The following INTU variants were observed in gnomAD, a reference collection of about 807,000 sequenced individuals.
INTU encodes protein inturned.
Under a neutral mutation model 100.5 loss-of-function variants are expected in INTU, and 68 were observed. That is an observed-to-expected ratio of 0.68 (90% CI 0.56 to 0.83). The LOEUF is 0.83. Among genes scored for constraint, INTU ranks in the 40% least tolerant of loss-of-function variants. The probability of loss-of-function intolerance (pLI) is 0.00; values close to 1 mark genes in which losing one functional copy is unlikely to be tolerated. For missense variants in INTU, 1,071 were observed against 1,114.7 expected, an observed-to-expected ratio of 0.96 and a Z score of 0.56; for synonymous variants, 357 against 395.7, an observed-to-expected ratio of 0.90 and a Z score of 1.16.
chr4:127,690,818 G>A (rs988428507), intron 8 of INTU, among the ~76,000 whole-genome samples: 1 of 151,942 alleles, frequency 6.6e-6, no homozygotes, highest in Non-Finnish European at 1.5e-5. Context: ...GGGTACAGTT[G>A]TTATAATTGA....
chr4:127,663,627 AGCCC>A (rs1241476766), intron 4 of INTU, 43 bp downstream of exon 4: 3 of 1,527,186 alleles, frequency 2.0e-6, no homozygotes, highest in Admixed American at 1.7e-5. Flanking sequence ...TTTAGTCAAA[AGCCC>A]AAAGGAAAAA....
chr4:127,639,271 C>G (rs914544563), intron 1 of INTU, among the ~76,000 whole-genome samples: 15 of 152,072 alleles, frequency 9.9e-5, no homozygotes, highest in Non-Finnish European at 2.1e-4. Flanking sequence ...TTAGTCCTTT[C>G]CTGTTTTTCA....
intron 9 of INTU, among the ~76,000 whole-genome samples, chr4:127,701,637 G>A (rs1730654195): frequency 6.6e-6 from 1 of 152,248 alleles, no homozygotes; most frequent in South Asian, 2.1e-4. Flanking sequence ...AATTCAGCAG[G>A]AGGAAGGGAA....
Position 127,655,111 on chromosome 4 carries a change from G to C in INTU, c.683-1525G>C, listed in dbSNP as rs373744174. ...GCACTTCTCTATACTGGTTATTCTA[G>C]TTATACATTCATCTAAATTTTTTTC... On this transcript the variant is annotated intron_variant, in intron 2 of 15. Coordinates refer to ENST00000335251, the MANE Select transcript of INTU (RefSeq NM_015693.4). Among the ~76,000 whole-genome samples, 44 of 152,176 alleles carry C rather than the reference G, an allele frequency of 2.9e-4. No individual in the cohort carries two copies. The East Asian group carries it at 3.1e-3, about 11-fold the overall frequency.
In INTU at chr4:127,722,794, C is replaced by G. The variant is rs1369831582; in HGVS notation, c.*6358C>G. ...CCCTCCCTTCTCCCCCCTCTCCTTC[C>G]CCACTTCCAGAACTCAGTCGTCTTA... On this transcript the variant is annotated 3_prime_UTR_variant, in exon 16 of 16. Coordinates refer to ENST00000335251, the MANE Select transcript of INTU (RefSeq NM_015693.4). 6.6e-6 allele frequency: 1 copy of G among 152,488 alleles called. No homozygotes were observed. The highest frequency in any genetic ancestry group is 1.9e-4 in the East Asian group (1 of 5,182). The allele number at this position is 152,488 out of a possible 1,614,324, so 9.4% of individuals were successfully genotyped here.
chr4:127,636,921 G>A (rs565106183), intron 1 of INTU, among the ~76,000 whole-genome samples: 1 of 152,224 alleles, frequency 6.6e-6, no homozygotes, highest in East Asian at 1.9e-4. Context: ...AAAGGCACAT[G>A]GTATATAACT....
intron 6 of INTU, among the ~76,000 whole-genome samples, chr4:127,677,603 A>G (rs569482658): frequency 1.3e-5 from 2 of 152,168 alleles, no homozygotes; most frequent in East Asian, 3.9e-4. Flanking sequence ...CCATCTGTAC[A>G]TCACCATCAT....
At chr4:127,670,581 A>G (rs968239627) in intron 5 of INTU, among the ~76,000 whole-genome samples, 11 of 151,878 alleles carry the variant, frequency 7.2e-5, no homozygotes, top group African/African-American at 1.2e-4. Flanking sequence ...AAGTGATACA[A>G]TTCACCCATT....
At chr4:127,688,297 G>T (rs1729926611) in intron 8 of INTU, among the ~76,000 whole-genome samples, 1 of 151,854 alleles carries the variant, frequency 6.6e-6, no homozygotes, top group Non-Finnish European at 1.5e-5. Context: ...TTTTTTACAT[G>T]AACATATGTG....
At chr4:127,649,948 T>A (rs1469352994) in intron 2 of INTU, among the ~76,000 whole-genome samples, 2 of 152,218 alleles carry the variant, frequency 1.3e-5, no homozygotes, top group Admixed American at 1.3e-4. Flanking sequence ...ATAGTATCTT[T>A]AATTATGTTC....
At chr4:127,677,115 G>A (rs1368422016) in intron 6 of INTU, among the ~76,000 whole-genome samples, 1 of 152,204 alleles carries the variant, frequency 6.6e-6, no homozygotes, top group Non-Finnish European at 1.5e-5. Context: ...ACTGGGTGGA[G>A]CCCACCACAG....
intron 13 of INTU, among the ~76,000 whole-genome samples, chr4:127,710,532 T>C (rs953362665): frequency 1.2e-4 from 19 of 152,186 alleles, no homozygotes; most frequent in African/African-American, 2.4e-4. Context: ...TAGACTGATA[T>C]CTTGTTTATG....
At chr4:127,673,508 A>T (rs1321640759) in intron 5 of INTU, among the ~76,000 whole-genome samples, 6 of 151,894 alleles carry the variant, frequency 4.0e-5, no homozygotes, top group South Asian at 2.1e-4. Flanking sequence ...TTTGGAAAAA[A>T]AAATTATATT....
At chr4:127,647,010 A>G (rs1255059809) in intron 2 of INTU, among the ~76,000 whole-genome samples, 1 of 152,164 alleles carries the variant, frequency 6.6e-6, no homozygotes, top group East Asian at 1.9e-4. Context: ...TCTGTCCCAT[A>G]CATATGTGCC....
intron 2 of INTU, among the ~76,000 whole-genome samples, chr4:127,649,364 A>G (rs944792257): frequency 9.2e-5 from 14 of 152,204 alleles, no homozygotes; most frequent in African/African-American, 3.4e-4. Flanking sequence ...CTTTGAAAAG[A>G]CAGTCTAGAA....
intron 4 of INTU, among the ~76,000 whole-genome samples, chr4:127,664,775 C>T (rs141795667): frequency 9.9e-5 from 15 of 151,842 alleles, no homozygotes; most frequent in East Asian, 1.9e-4. Context: ...ATCTTTTACA[C>T]GCAGCCTGTT....
rs1302092140 is a variant in INTU at position 127,722,187 on chromosome 4, T to C, written c.*5751T>C. 1.3e-5 allele frequency: 2 copies of C among 152,536 alleles called. No individual in the cohort carries two copies. Among genetic ancestry groups the C allele is most frequent in the East Asian group, 3.8e-4 (2 of 5,200 alleles). The allele number at this position is 152,536 out of a possible 1,614,324, so 9.4% of individuals were successfully genotyped here. On this transcript the variant is annotated 3_prime_UTR_variant, in exon 16 of 16. Transcript: ENST00000335251. ...GTTGTTGCATTCTGTTTTTCTTTAG[T>C]AGTCAGGCCCCTCTTCTGCAGAGCT... is the stretch of plus-strand genomic sequence containing the variant.
chr4:127,687,866 A>C lies in INTU; in HGVS notation c.1448A>C (p.Lys483Thr). ...VRWLTLPLEI[K>T]MELDMALSDL... is the part of the protein sequence containing the mutation. The stretch of plus-strand genomic sequence containing the variant: ...TGGCTCACACTTCCACTGGAAATCA[A>C]GGTAATCTTAGGTATTATAAAGCAG... The change falls in exon 8 of 16, where the codon AAG (lysine) becomes ACG (threonine). Residue 483 changes from lysine (K) to threonine (T), a missense_variant and splice_region_variant. Transcript: ENST00000335251. The C allele has an allele frequency of 6.4e-7, 1 of 1,567,584 alleles. No homozygotes were observed. Among genetic ancestry groups the C allele is most frequent in the Non-Finnish European group, 8.7e-7 (1 of 1,148,904 alleles).
In INTU at chr4:127,676,681, G is replaced by A. The variant is rs183831780; in HGVS notation, c.1181+2468G>A. ...TCCCAGCGTGAGCGATGCAGAAGAC[G>A]GGTGATTTCTGCATTTCCATCTGAG... On this transcript the variant is annotated intron_variant, in intron 6 of 15. Coordinates refer to ENST00000335251, the MANE Select transcript of INTU (RefSeq NM_015693.4). Among the ~76,000 whole-genome samples, 349 of 152,194 alleles carry A rather than the reference G, an allele frequency of 2.3e-3. 2 individuals carry two copies. Among genetic ancestry groups the A allele is most frequent in the African/African-American group, 7.8e-3 (324 of 41,528 alleles).
Sources: allele counts gnomAD v4.1 joint callset (sites outside exome capture counted in the v4.1 genomes callset), GRCh38; gene constraint gnomAD v4.1.1; transcripts MANE v1.5; gene names NCBI Gene and HGNC (gene_info 2026-07-23, HGNC 2026-07-21).